The following SHCBP1 variants were observed in gnomAD, a reference collection of about 807,000 sequenced individuals.
SHCBP1 encodes the protein SHC binding and spindle associated 1.
Under a neutral mutation model 75.1 loss-of-function variants are expected in SHCBP1, and 60 were observed. The observed-to-expected ratio is 0.80, with a 90% CI of 0.65 to 0.99. The LOEUF (loss-of-function observed/expected upper bound fraction) is 0.99. SHCBP1 is among the 50% of genes least tolerant of loss of function. The pLI is 0.00. For missense variants in SHCBP1, 709 were observed against 809.4 expected, an observed-to-expected ratio of 0.88 and a Z score of 1.50; for synonymous variants, 290 against 293.2, an observed-to-expected ratio of 0.99 and a Z score of 0.11.
At chr16:46,610,624 C>T (rs1248360451) in intron 4 of SHCBP1, among the ~76,000 whole-genome samples, 1 of 127,130 alleles carries the variant, frequency 7.9e-6, no homozygotes, top group Non-Finnish European at 1.6e-5. Flanking sequence ...AGTAGCATGA[C>T]CTCGGCTCAC....
rs1382595851 is a variant in SHCBP1 at position 46,618,351 on chromosome 16, G to GA, written c.124dup (p.Ser42PhefsTer4). 1 of 1,600,996 alleles carries GA rather than the reference G, an allele frequency of 6.2e-7. No homozygotes were observed. The highest frequency in any genetic ancestry group is 8.5e-7 in the Non-Finnish European group (1 of 1,176,360). On this transcript the variant is annotated frameshift_variant, in exon 2 of 13. Coordinates refer to ENST00000303383, the MANE Select transcript of SHCBP1 (RefSeq NM_024745.5). LOFTEE classifies it high-confidence loss of function. ...ATCACGGTAGCTACAATCACTGCAT[G>GA]AATCTTCATCTTGGAACAAACCTAA...
intron 9 of SHCBP1, among the ~76,000 whole-genome samples, chr16:46,598,703 G>C (rs1192123876): frequency 6.6e-6 from 1 of 152,162 alleles, no homozygotes; most frequent in Non-Finnish European, 1.5e-5. Context: ...CTTTGAAGCT[G>C]TGAAGCCAAG....
At position 46,582,021 on chromosome 16, in the gene SHCBP1, T is replaced by C. The variant is rs1440030264; in HGVS notation, c.1727A>G (p.Glu576Gly). The change falls in exon 13 of 13, where the codon GAG (glutamate) becomes GGG (glycine). Residue 576 changes from glutamate (E) to glycine (G), a missense_variant. Physicochemically the swap from Glu to Gly is moderately conservative, Grantham distance 98. Transcript: ENST00000303383. The part of the protein sequence containing the change: ...NKALKIQTSG[E>G]PDVAERVDLE... Reference sequence around the variant, plus strand: ...ATCCACTCTTTCAGCCACATCTGGCTCTCCACTTGTCTGAATTTTAAGCGC... The same window carrying C: ...ATCCACTCTTTCAGCCACATCTGGCCCTCCACTTGTCTGAATTTTAAGCGC... The C allele has an allele frequency of 2.5e-6, 4 of 1,606,400 alleles. No individual in the cohort carries two copies. The highest frequency in any genetic ancestry group is 1.3e-5 in the African/African-American group (1 of 74,492).
At chr16:46,588,077 C>T (rs1002143124) in intron 10 of SHCBP1, among the ~76,000 whole-genome samples, 9 of 152,068 alleles carry the variant, frequency 5.9e-5, no homozygotes, top group Admixed American at 3.9e-4. Flanking sequence ...CAACTGGGTA[C>T]ATAACGAAAT....
At chr16:46,598,904 A>C (rs1311879413) in intron 9 of SHCBP1, among the ~76,000 whole-genome samples, 2 of 152,242 alleles carry the variant, frequency 1.3e-5, no homozygotes, top group African/African-American at 4.8e-5. Context: ...TTTATGTTAC[A>C]GAAATGGCTG....
chr16:46,602,204 C>CA (rs879848395), intron 8 of SHCBP1, among the ~76,000 whole-genome samples: 32 of 152,002 alleles, frequency 2.1e-4, no homozygotes, highest in Admixed American at 8.5e-4. Context: ...TCCACTATGC[C>CA]AAAAAATAAA....
chr16:46,620,098 A>T (rs896985763), intron 1 of SHCBP1, among the ~76,000 whole-genome samples: 1 of 152,226 alleles, frequency 6.6e-6, no homozygotes, highest in Non-Finnish European at 1.5e-5. Flanking sequence ...ATACCTATAC[A>T]TTATGAAATG....
intron 8 of SHCBP1, among the ~76,000 whole-genome samples, chr16:46,600,680 T>A (rs1459437527): frequency 6.6e-6 from 1 of 152,170 alleles, no homozygotes; most frequent in Non-Finnish European, 1.5e-5. Flanking sequence ...TAGTTACAGT[T>A]ACAGGAAAAA....
At chr16:46,610,544 ATTTTTTTTTTTTTT>A (rs60140518) in intron 4 of SHCBP1, among the ~76,000 whole-genome samples, 9 of 31,102 alleles carry the variant, frequency 2.9e-4, no homozygotes, top group South Asian at 1.6e-3. Context: ...CATGGGGTCA[ATTTTTTTTTTTTTT>A]TTTTTTTTTT....
chr16:46,583,944 T>G (rs529389434), intron 11 of SHCBP1, 59 bp downstream of exon 11: 10 of 1,417,558 alleles, frequency 7.1e-6, no homozygotes, highest in Non-Finnish European at 9.7e-6. Flanking sequence ...TAATAAAGCA[T>G]AATTTGTAGG....
intron 10 of SHCBP1, among the ~76,000 whole-genome samples, chr16:46,593,236 T>C (rs1567444603): frequency 6.6e-6 from 1 of 151,994 alleles, no homozygotes; most frequent in Non-Finnish European, 1.5e-5. Context: ...TACAAAAACA[T>C]TCCTATAAGT....
chr16:46,591,425 A>G (rs1397698352), intron 10 of SHCBP1, among the ~76,000 whole-genome samples: 3 of 152,188 alleles, frequency 2.0e-5, no homozygotes, highest in African/African-American at 7.2e-5. Flanking sequence ...AAATTACCAG[A>G]GACAGACATA....
chr16:46,598,479 A>G (rs556134907), intron 9 of SHCBP1, among the ~76,000 whole-genome samples: 123 of 152,156 alleles, frequency 8.1e-4, no homozygotes, highest in Non-Finnish European at 1.6e-3. Context: ...TTTTTTCAGT[A>G]GTAAATCTCA....
At position 46,583,545 on chromosome 16, in the gene SHCBP1, AG is replaced by A; in HGVS notation, c.1663del (p.Leu555CysfsTer31). ...AGTTCCATCTTCAGCATTTTCTTGC[AG>A]GTCAGAGAAGATTGTAGGTTTCACC... ...VLVKPTIFSDLQENAEDGTEE... is the reference protein window; with the variant it reads ...VLVKPTIFSDXQENAEDGTEE... On this transcript the variant is annotated frameshift_variant, in exon 12 of 13. Transcript: ENST00000303383. LOFTEE classifies it high-confidence loss of function. 4.4e-6 allele frequency: 7 copies of A among 1,601,484 alleles called. No individual in the cohort carries two copies. The highest frequency in any genetic ancestry group is 5.9e-6 in the Non-Finnish European group (7 of 1,177,312).
intron 10 of SHCBP1, among the ~76,000 whole-genome samples, chr16:46,591,923 T>C (rs1468725521): frequency 1.3e-5 from 2 of 151,684 alleles, no homozygotes; most frequent in African/African-American, 4.8e-5. Flanking sequence ...CGAATAAAAA[T>C]AAATATCAAA....
In SHCBP1 at chr16:46,603,572, T is replaced by C. The variant is rs1353226629; in HGVS notation, c.1180A>G (p.Thr394Ala). 1 of 1,614,068 alleles carries C rather than the reference T, an allele frequency of 6.2e-7. No individual in the cohort carries two copies. The highest frequency in any genetic ancestry group is 1.3e-5 in the African/African-American group (1 of 74,926). Residue 394 changes from threonine to alanine, a missense_variant, in exon 8 of 13, where the codon ACT becomes GCT. Physicochemically the swap from Thr to Ala is moderately conservative, Grantham distance 58 (BLOSUM62 0). Transcript: ENST00000303383. ...VCPGHYVVHG[T>A]FSIADSIELE... ...TCAATGGAGTCAGCAATGGAGAAAGTGCCATGTACCACATAATGGCCAGGA... is the reference window on the plus strand; with the variant it reads ...TCAATGGAGTCAGCAATGGAGAAAGCGCCATGTACCACATAATGGCCAGGA...
intron 10 of SHCBP1, 53 bp from the exon 11 acceptor site, chr16:46,584,142 TAA>T: frequency 3.1e-6 from 4 of 1,303,234 alleles, no homozygotes; most frequent in Non-Finnish European, 4.3e-6. Flanking sequence ...GGCAAGACTA[TAA>T]GAGTTTATTA....
rs143205816 is a variant in SHCBP1 at position 46,607,599 on chromosome 16, G to A, written c.689+698C>T. 4.3e-3 allele frequency among the ~76,000 whole-genome samples: 658 copies of A among 152,138 alleles called. 2 individuals carry two copies. The highest frequency in any genetic ancestry group is 7.2e-3 in the Non-Finnish European group (489 of 67,980). On this transcript the variant is annotated intron_variant, in intron 5 of 12. Transcript: ENST00000303383. ...GGAAAAAAATCATCTTTCACCCAGG[G>A]AAAAAATTACCTTCTACAATTATTT... is the stretch of plus-strand genomic sequence containing the variant.
intron 10 of SHCBP1, among the ~76,000 whole-genome samples, chr16:46,587,728 C>A (rs576240785): frequency 1.1e-4 from 17 of 152,070 alleles, no homozygotes; most frequent in Non-Finnish European, 2.2e-4. Context: ...GACTTTAACA[C>A]CCCACTGTCA....
Sources: allele counts gnomAD v4.1 joint callset (sites outside exome capture counted in the v4.1 genomes callset), GRCh38; gene constraint gnomAD v4.1.1; transcripts MANE v1.5; gene names NCBI Gene and HGNC (gene_info 2026-07-23, HGNC 2026-07-21).